KCNC2: variants seen among roughly 807,000 people sequenced by gnomAD.
The protein encoded by KCNC2 is potassium voltage-gated channel subfamily C member 2.
A neutral mutation model predicts 44.5 loss-of-function variants in KCNC2; 21 were observed. The ratio of observed to expected loss-of-function variants is 0.47; its 90% CI spans 0.33 to 0.68. The LOEUF (loss-of-function observed/expected upper bound fraction) is 0.68. Among genes scored for constraint, KCNC2 ranks in the 30% least tolerant of loss-of-function variants. The pLI is 0.01. For missense variants in KCNC2, 589 were observed against 826.2 expected (o/e 0.71, Z 3.52); for synonymous variants, 391 against 339.1 (o/e 1.15, Z -1.68).
At chr12:75,129,359 T>C (rs545632720) in intron 2 of KCNC2, among the ~76,000 whole-genome samples, 20 of 152,350 alleles carry the variant, frequency 1.3e-4, no homozygotes, top group Non-Finnish European at 2.2e-4. Flanking sequence ...CAGTGATTTA[T>C]ATTTTATGGA....
chr12:75,110,349 TC>T (rs2137232025), intron 2 of KCNC2, among the ~76,000 whole-genome samples: 1 of 152,212 alleles, frequency 6.6e-6, no homozygotes, highest in Non-Finnish European at 1.5e-5. Flanking sequence ...ATAGAACTTA[TC>T]CAAAATACTA....
At chr12:75,074,479 T>C (rs1883731727) in intron 2 of KCNC2, among the ~76,000 whole-genome samples, 1 of 152,126 alleles carries the variant, frequency 6.6e-6, no homozygotes, top group Admixed American at 6.5e-5. Flanking sequence ...CCTTGCCCTT[T>C]TAGAAATTTA....
At chr12:75,138,697 C>G (rs993775954) in intron 2 of KCNC2, among the ~76,000 whole-genome samples, 1 of 151,852 alleles carries the variant, frequency 6.6e-6, no homozygotes, top group Non-Finnish European at 1.5e-5. Flanking sequence ...AACGGGATTC[C>G]GGGCTGGGCG....
chr12:75,145,280 T>C (rs1889940001), intron 2 of KCNC2, among the ~76,000 whole-genome samples: 1 of 152,136 alleles, frequency 6.6e-6, no homozygotes, highest in Non-Finnish European at 1.5e-5. Flanking sequence ...TTCTTAACAC[T>C]TCCCCATGTT....
intron 2 of KCNC2, among the ~76,000 whole-genome samples, chr12:75,172,648 T>G (rs1282882174): frequency 2.0e-5 from 3 of 151,848 alleles, no homozygotes; most frequent in African/African-American, 4.8e-5. Context: ...CCTTTTCAAT[T>G]TAAAATTAAT....
intron 2 of KCNC2, among the ~76,000 whole-genome samples, chr12:75,181,986 A>G (rs1224313375): frequency 9.0e-6 from 1 of 111,572 alleles, no homozygotes; most frequent in Admixed American, 1.4e-4. Flanking sequence ...GTTGGCCAGG[A>G]TGGTCTCAAT....
chr12:75,155,087 TA>T (rs1203885569), intron 2 of KCNC2, among the ~76,000 whole-genome samples: 4 of 151,162 alleles, frequency 2.6e-5, no homozygotes, highest in African/African-American at 9.8e-5. Context: ...AATAAAAAAT[TA>T]TAGATTCAAT....
intron 2 of KCNC2, among the ~76,000 whole-genome samples, chr12:75,124,315 T>C (rs1347291649): frequency 6.6e-6 from 1 of 152,198 alleles, no homozygotes; most frequent in Non-Finnish European, 1.5e-5. Flanking sequence ...TATGAAAATT[T>C]ACTACCCAGC....
At chr12:75,133,797 T>C (rs1263383823) in intron 2 of KCNC2, among the ~76,000 whole-genome samples, 1 of 152,064 alleles carries the variant, frequency 6.6e-6, no homozygotes, top group Non-Finnish European at 1.5e-5. Flanking sequence ...ATTCATTTAG[T>C]ATCTTATAGA....
At chr12:75,082,795 GGAT>G (rs1477621933) in intron 2 of KCNC2, among the ~76,000 whole-genome samples, 2 of 151,698 alleles carry the variant, frequency 1.3e-5, no homozygotes, top group African/African-American at 4.8e-5. Flanking sequence ...AAAATATTAA[GGAT>G]GATTTTTATG....
chr12:75,184,561 T>C (rs1349298352), intron 2 of KCNC2, among the ~76,000 whole-genome samples: 1 of 152,212 alleles, frequency 6.6e-6, no homozygotes, highest in Non-Finnish European at 1.5e-5. Context: ...CTGGAAGTCA[T>C]TAACTTAATT....
intron 2 of KCNC2, among the ~76,000 whole-genome samples, chr12:75,118,560 G>A: frequency 6.6e-6 from 1 of 152,020 alleles, no homozygotes. Flanking sequence ...CTGGCAAAGA[G>A]CAGAAAGAAG....
intron 2 of KCNC2, among the ~76,000 whole-genome samples, chr12:75,096,812 A>G (rs1386905001): frequency 6.6e-6 from 1 of 152,132 alleles, no homozygotes; most frequent in African/African-American, 2.4e-5. Flanking sequence ...CAAGCAGGTC[A>G]TAAGGTTTAG....
At chr12:75,145,414 G>T (rs1889949144) in intron 2 of KCNC2, among the ~76,000 whole-genome samples, 1 of 151,534 alleles carries the variant, frequency 6.6e-6, no homozygotes, top group Admixed American at 6.6e-5. Flanking sequence ...TTATTTACAT[G>T]CTGGGTCTAA....
intron 2 of KCNC2, among the ~76,000 whole-genome samples, chr12:75,116,006 C>T (rs149723471): frequency 2.6e-4 from 40 of 152,124 alleles, no homozygotes; most frequent in Non-Finnish European, 4.0e-4. Context: ...GGAACAGTGC[C>T]GAATAAATAC....
intron 2 of KCNC2, among the ~76,000 whole-genome samples, chr12:75,157,558 C>T (rs1890847749): frequency 6.6e-6 from 1 of 151,916 alleles, no homozygotes; most frequent in Admixed American, 6.6e-5. Context: ...CGTCTTTAAA[C>T]ATCAAGACCA....
At chr12:75,089,260 G>C (rs186785422) in intron 2 of KCNC2, among the ~76,000 whole-genome samples, 7 of 151,618 alleles carry the variant, frequency 4.6e-5, no homozygotes, top group African/African-American at 1.7e-4. Context: ...ACTGTAATGC[G>C]CTAAAGTAAT....
intron 2 of KCNC2, among the ~76,000 whole-genome samples, chr12:75,053,520 C>G (rs1881414493): frequency 6.6e-6 from 1 of 151,796 alleles, no homozygotes; most frequent in Non-Finnish European, 1.5e-5. Context: ...CCAAAAGTTG[C>G]TTGTTTATGT....
At chr12:75,090,731 A>G (rs1885404010) in intron 2 of KCNC2, among the ~76,000 whole-genome samples, 1 of 151,710 alleles carries the variant, frequency 6.6e-6, no homozygotes, top group African/African-American at 2.4e-5. Context: ...AATAGTTTAG[A>G]AATTATAATT....
Sources: gnomAD v4.1 joint callset for allele counts (sites outside exome capture counted in the v4.1 genomes callset) on GRCh38, gnomAD v4.1.1 for gene constraint, MANE v1.5 for transcripts, NCBI Gene and HGNC (gene_info 2026-07-23, HGNC 2026-07-21) for gene names.